Variants in PLPPR1 observed in about 807,000 individuals in gnomAD.
The protein encoded by PLPPR1 is phospholipid phosphatase-related protein type 1.
In PLPPR1, 10 loss-of-function variants were observed where a neutral mutation model predicts 33.1. That is an observed-to-expected ratio of 0.30 (90% CI 0.19 to 0.51). PLPPR1 has a LOEUF of 0.51. Among genes scored for constraint, PLPPR1 ranks in the 20% least tolerant of loss-of-function variants. The pLI is 0.97. For missense variants in PLPPR1, 304 were observed against 408.1 expected, an observed-to-expected ratio of 0.74 and a Z score of 2.20; for synonymous variants, 151 against 151.0, an observed-to-expected ratio of 1.00 and a Z score of 0.00.
rs187595598 is a variant in PLPPR1 at position 101,152,236 on chromosome 9, G to A, written c.-45-33214G>A. Among the ~76,000 whole-genome samples, 767 of 152,152 alleles carry A rather than the reference G, an allele frequency of 5.0e-3. 6 individuals are homozygous for A. The highest frequency in any genetic ancestry group is 0.017 in the African/African-American group (721 of 41,516). ...TGTTCATATCCTTTGCCCACTTTTC[G>A]CTGGAGTTGTTTGTTTTGTTCCTGT... On this transcript the variant is annotated intron_variant, in intron 1 of 7. Transcript: ENST00000374874.
intron 1 of PLPPR1, among the ~76,000 whole-genome samples, chr9:101,162,849 A>T (rs572452375): frequency 2.6e-5 from 4 of 152,120 alleles, no homozygotes; most frequent in Non-Finnish European, 5.9e-5. Flanking sequence ...AGAACCTACA[A>T]GTGCTTTTTA....
chr9:101,157,134 A>G (rs1052839747), intron 1 of PLPPR1, among the ~76,000 whole-genome samples: 3 of 152,238 alleles, frequency 2.0e-5, no homozygotes, highest in African/African-American at 4.8e-5. Context: ...GAAATGACAG[A>G]TTCTAAATAC....
chr9:101,076,018 G>A (rs558097225), intron 1 of PLPPR1, among the ~76,000 whole-genome samples: 73 of 152,252 alleles, frequency 4.8e-4, no homozygotes, highest in Admixed American at 7.8e-4. Context: ...GCGGGAGAGT[G>A]TCAGATGAAG....
chr9:101,233,432 C>A (rs993620827), intron 2 of PLPPR1, among the ~76,000 whole-genome samples: 1 of 151,922 alleles, frequency 6.6e-6, no homozygotes, highest in African/African-American at 2.4e-5. Context: ...GTACCCTGTG[C>A]CTTGGGCCCT....
intron 2 of PLPPR1, among the ~76,000 whole-genome samples, chr9:101,260,242 C>T (rs1386544738): frequency 6.6e-6 from 1 of 152,088 alleles, no homozygotes; most frequent in Non-Finnish European, 1.5e-5. Context: ...CACAAAAATT[C>T]AGCCCATACA....
intron 2 of PLPPR1, among the ~76,000 whole-genome samples, chr9:101,256,800 A>G: frequency 6.6e-6 from 1 of 152,120 alleles, no homozygotes. Context: ...AATTGAGGTC[A>G]ATGGTTCAAT....
chr9:101,266,568 C>A (rs1197755308), intron 2 of PLPPR1, among the ~76,000 whole-genome samples: 1 of 152,154 alleles, frequency 6.6e-6, no homozygotes, highest in South Asian at 2.1e-4. Flanking sequence ...CACTACCACC[C>A]TTTGGGTCTC....
chr9:101,116,725 C>T (rs944796613), intron 1 of PLPPR1, among the ~76,000 whole-genome samples: 3 of 151,018 alleles, frequency 2.0e-5, no homozygotes, highest in Admixed American at 6.6e-5. Context: ...ACAAGGTTCG[C>T]TTGAAGCTGG....
intron 2 of PLPPR1, among the ~76,000 whole-genome samples, chr9:101,256,516 C>G (rs945243809): frequency 6.6e-6 from 1 of 152,108 alleles, no homozygotes; most frequent in African/African-American, 2.4e-5. Context: ...ACGGCTTCAC[C>G]AGAATTGCTC....
chr9:101,151,127 G>A (rs1430788966), intron 1 of PLPPR1, among the ~76,000 whole-genome samples: 3 of 151,902 alleles, frequency 2.0e-5, no homozygotes, highest in Admixed American at 1.3e-4. Context: ...TGTTTTTAAA[G>A]GTCAAATCAG....
At chr9:101,271,977 T>G (rs1409151423) in intron 3 of PLPPR1, among the ~76,000 whole-genome samples, 1 of 152,178 alleles carries the variant, frequency 6.6e-6, no homozygotes, top group Non-Finnish European at 1.5e-5. Context: ...ATAAATTAAA[T>G]GTACATCTGC....
At chr9:101,280,648 C>A (rs1312432023) in intron 3 of PLPPR1, among the ~76,000 whole-genome samples, 1 of 152,064 alleles carries the variant, frequency 6.6e-6, no homozygotes, top group Non-Finnish European at 1.5e-5. Context: ...CAATGTGATA[C>A]ATCATATCAG....
At chr9:101,206,602 T>C (rs1490068528) in intron 2 of PLPPR1, among the ~76,000 whole-genome samples, 2 of 152,130 alleles carry the variant, frequency 1.3e-5, no homozygotes, top group African/African-American at 4.8e-5. Flanking sequence ...GAGGACAGGA[T>C]TGGTTTAAAC....
intron 4 of PLPPR1, 104 bp downstream of exon 4, chr9:101,286,340 G>T: frequency 9.3e-7 from 1 of 1,079,676 alleles, no homozygotes; most frequent in South Asian, 2.1e-5. Flanking sequence ...TTAAAAGCAA[G>T]GGCTGCTTTG....
At chr9:101,091,427 G>A (rs75809500) in intron 1 of PLPPR1, among the ~76,000 whole-genome samples, 8,089 of 152,180 alleles carry the variant, frequency 0.053, 380 homozygotes, top group African/African-American at 0.12. Context: ...GGAGGCTCTG[G>A]GGGAGAATCT....
chr9:101,052,279 G>C (rs891271558), intron 1 of PLPPR1, among the ~76,000 whole-genome samples: 1 of 152,150 alleles, frequency 6.6e-6, no homozygotes, highest in Non-Finnish European at 1.5e-5. Context: ...TTGATGAGTG[G>C]TTTTCAACTG....
chr9:101,172,310 T>C lies in PLPPR1; in HGVS notation c.-45-13140T>C, dbSNP rs1257313040. On this transcript the variant is annotated intron_variant, in intron 1 of 7. Transcript: ENST00000374874. The stretch of plus-strand genomic sequence containing the variant: ...GATGTCTTTTGCAAAATAAAAGATA[T>C]CTCAATGAATATTCAGTATTTGGTA... Among the ~76,000 whole-genome samples, 6 of 150,870 alleles carry C rather than the reference T, an allele frequency of 4.0e-5. No homozygotes were observed. The South Asian group carries it at 6.3e-4, about 16-fold the overall frequency.
intron 3 of PLPPR1, among the ~76,000 whole-genome samples, chr9:101,275,237 T>C (rs1302677849): frequency 2.6e-5 from 4 of 152,206 alleles, no homozygotes; most frequent in Admixed American, 1.3e-4. Context: ...CTCAAGCACA[T>C]TGACCATGGA....
intron 3 of PLPPR1, among the ~76,000 whole-genome samples, chr9:101,270,815 T>C (rs1403050330): frequency 6.6e-6 from 1 of 152,166 alleles, no homozygotes; most frequent in African/African-American, 2.4e-5. Context: ...TGCCTAAATA[T>C]GCCATAAGGT....
Sources: gnomAD v4.1 joint callset for allele counts (sites outside exome capture counted in the v4.1 genomes callset) on GRCh38, gnomAD v4.1.1 for gene constraint, MANE v1.5 for transcripts, NCBI Gene and HGNC (gene_info 2026-07-23, HGNC 2026-07-21) for gene names.